The following FBXO16 variants were observed in gnomAD, a reference collection of about 807,000 sequenced individuals.
The protein encoded by FBXO16 is F-box only protein 16.
FBXO16 carries 31 observed loss-of-function variants against 41.0 expected under a neutral mutation model. That is an observed-to-expected ratio of 0.76 (90% CI 0.57 to 1.02). FBXO16 has a LOEUF of 1.02. Among genes scored for constraint, FBXO16 ranks in the 50% least tolerant of loss-of-function variants. The pLI is 0.00. For missense variants in FBXO16, 361 were observed against 346.2 expected (o/e 1.04, Z -0.34); for synonymous variants, 133 against 117.8 (o/e 1.13, Z -0.84).
intron 6 of FBXO16, among the ~76,000 whole-genome samples, chr8:28,450,608 T>C (rs930583793): frequency 1.3e-5 from 2 of 152,218 alleles, no homozygotes; most frequent in African/African-American, 4.8e-5. Context: ...GTCACCAACC[T>C]GACTCCAGCT....
chr8:28,436,830 C>A (rs192507215), intron 7 of FBXO16, among the ~76,000 whole-genome samples: 2 of 152,198 alleles, frequency 1.3e-5, no homozygotes, highest in Non-Finnish European at 2.9e-5. Context: ...TAGCTCACTG[C>A]AGCCTCGACC....
At chr8:28,463,291 T>G (rs1488295916) in intron 4 of FBXO16, among the ~76,000 whole-genome samples, 1 of 150,670 alleles carries the variant, frequency 6.6e-6, no homozygotes, top group African/African-American at 2.5e-5. Flanking sequence ...TGTATATGTA[T>G]GTTTGTGTGT....
At chr8:28,467,630 G>A (rs547048014) in intron 3 of FBXO16, among the ~76,000 whole-genome samples, 35 of 152,214 alleles carry the variant, frequency 2.3e-4, no homozygotes, top group Non-Finnish European at 4.7e-4. Context: ...ACATTGACAA[G>A]GATGGAAAGT....
chr8:28,482,178 T>C (rs1304140148), intron 2 of FBXO16, among the ~76,000 whole-genome samples: 1 of 152,314 alleles, frequency 6.6e-6, no homozygotes, highest in Non-Finnish European at 1.5e-5. Context: ...TTCTATTCCA[T>C]AAGTCACAGG....
intron 4 of FBXO16, among the ~76,000 whole-genome samples, chr8:28,459,961 G>A (rs1028630708): frequency 1.3e-5 from 2 of 151,640 alleles, no homozygotes; most frequent in African/African-American, 2.4e-5. Flanking sequence ...GGGAGGCGGA[G>A]GTTGCAGTGA....
intron 4 of FBXO16, among the ~76,000 whole-genome samples, chr8:28,462,301 C>T (rs1288705819): frequency 6.3e-5 from 9 of 143,948 alleles, no homozygotes; most frequent in Non-Finnish European, 1.1e-4. Context: ...TTTTCTGAGA[C>T]GGCGTCTCGC....
intron 7 of FBXO16, among the ~76,000 whole-genome samples, chr8:28,436,856 A>G (rs1802694641): frequency 6.6e-6 from 1 of 152,294 alleles, no homozygotes; most frequent in Middle Eastern, 3.4e-3. Context: ...GGCTCAAGCA[A>G]TCCTCCCACC....
Position 28,474,316 on chromosome 8 carries a change from C to CAA in FBXO16, c.100-511_100-510dup. On this transcript the variant is annotated intron_variant, in intron 2 of 8. Coordinates refer to ENST00000380254, the MANE Select transcript of FBXO16 (RefSeq NM_172366.4). ...CCTGGGTAACAGAGCCAGACCCTGTCAAAAAAAAAAAAAAAAAAAAAAAAA... is the reference window on the plus strand; with the variant it reads ...CCTGGGTAACAGAGCCAGACCCTGTCAAAAAAAAAAAAAAAAAAAAAAAAAAA... 3.8e-3 allele frequency among the ~76,000 whole-genome samples: 215 copies of CAA among 56,636 alleles called. 19 individuals are homozygous for CAA. Among genetic ancestry groups the CAA allele is most frequent in the Non-Finnish European group, 5.3e-3 (159 of 29,732 alleles). The allele number at this position is 56,636 out of a possible 152,430, so 37.2% of individuals were successfully genotyped here. A position where few individuals can be genotyped will look rare whatever the true frequency, so the allele number is the denominator to read the frequency against.
intron 4 of FBXO16, among the ~76,000 whole-genome samples, chr8:28,458,382 A>G (rs1172309995): frequency 1.3e-5 from 2 of 152,200 alleles, no homozygotes; most frequent in East Asian, 3.9e-4. Context: ...AGGCAGCAAC[A>G]GAAATCACAT....
intron 2 of FBXO16, 118 bp downstream of exon 2, chr8:28,483,230 T>G: frequency 1.1e-6 from 1 of 944,882 alleles, no homozygotes; most frequent in Non-Finnish European, 1.6e-6. Context: ...ATTTTGGTTT[T>G]TATTCATCCA....
chr8:28,441,947 T>TGTGTGTA (rs1491261277), intron 7 of FBXO16, among the ~76,000 whole-genome samples: 50 of 84,990 alleles, frequency 5.9e-4, no homozygotes, highest in African/African-American at 1.9e-3. Context: ...TGTGTGTGTA[T>TGTGTGTA]TTTTTTTTTT....
At chr8:28,454,020 G>A (rs1228186596) in intron 5 of FBXO16, among the ~76,000 whole-genome samples, 2 of 152,008 alleles carry the variant, frequency 1.3e-5, no homozygotes, top group Non-Finnish European at 2.9e-5. Context: ...AAAAAAATTA[G>A]CCAGGTGTGG....
At chr8:28,461,239 A>G (rs1245760870) in intron 4 of FBXO16, among the ~76,000 whole-genome samples, 1 of 152,186 alleles carries the variant, frequency 6.6e-6, no homozygotes, top group East Asian at 1.9e-4. Flanking sequence ...ACCATGTTGC[A>G]GGACACCCAT....
chr8:28,443,772 G>C (rs1802817375), intron 7 of FBXO16, among the ~76,000 whole-genome samples: 1 of 152,118 alleles, frequency 6.6e-6, no homozygotes, highest in Non-Finnish European at 1.5e-5. Context: ...CAATAAAAAA[G>C]CCGGCCAAAA....
At chr8:28,441,872 TTATATA>T (rs36230032) in intron 7 of FBXO16, among the ~76,000 whole-genome samples, 9,304 of 145,774 alleles carry the variant, frequency 0.064, 970 homozygotes, top group African/African-American at 0.21. Context: ...ATATGTGTGT[TTATATA>T]TATATATATA....
chr8:28,489,729 A>C (rs1197904835), intron 1 of FBXO16, among the ~76,000 whole-genome samples: 2 of 151,452 alleles, frequency 1.3e-5, no homozygotes, highest in African/African-American at 2.4e-5. Flanking sequence ...AAAAAAAAAA[A>C]CCCTTGTAGA....
In FBXO16 at chr8:28,429,379, G is replaced by A. The variant is rs768053187; in HGVS notation, c.868C>T (p.Leu290=). The change falls in exon 8 of 9, where the codon CTA becomes TTA. Residue 290 remains leucine, a splice_region_variant and synonymous_variant. Transcript: ENST00000380254. The part of the protein sequence containing the change: ...SMMSRRNPFP[L]CP ...GTTGATATCACAACCGAAACTCACA[G>A]TGGGAAGGGATTTCTCCTCGACATC... 2 of 1,613,996 alleles carry A rather than the reference G, an allele frequency of 1.2e-6. No homozygotes were observed. Among genetic ancestry groups the A allele is most frequent in the Non-Finnish European group, 1.7e-6 (2 of 1,179,936 alleles).
chr8:28,475,095 T>C (rs1585917938), intron 2 of FBXO16, among the ~76,000 whole-genome samples: 1 of 152,318 alleles, frequency 6.6e-6, no homozygotes, highest in South Asian at 2.1e-4. Flanking sequence ...TCCCTCCTCT[T>C]GGCACTTGCT....
At chr8:28,445,948 T>C (rs1802856319) in intron 7 of FBXO16, among the ~76,000 whole-genome samples, 1 of 151,956 alleles carries the variant, frequency 6.6e-6, no homozygotes, top group African/African-American at 2.4e-5. Context: ...ATATATGAAC[T>C]TTGAATTCCA....
Sources: allele counts gnomAD v4.1 joint callset (sites outside exome capture counted in the v4.1 genomes callset), GRCh38; gene constraint gnomAD v4.1.1; transcripts MANE v1.5; gene names NCBI Gene and HGNC (gene_info 2026-07-23, HGNC 2026-07-21).